The following PXN variants were observed in gnomAD, a reference collection of about 807,000 sequenced individuals.
The protein encoded by PXN is paxillin.
In PXN, 61 loss-of-function variants were observed where a neutral mutation model predicts 103.6. The ratio of observed to expected loss-of-function variants is 0.59; its 90% confidence interval spans 0.48 to 0.73. The LOEUF is 0.73. PXN is among the 30% of genes least tolerant of loss of function. The probability of loss-of-function intolerance (pLI) is 0.00; values close to 1 mark genes in which losing one functional copy is unlikely to be tolerated. For synonymous variants in PXN, 562 were observed against 607.8 expected (o/e 0.92, Z 1.11); for missense variants, 1,274 against 1,460.3 (o/e 0.87, Z 2.08).
At chr12:120,253,345 C>T (rs899405049) in intron 1 of PXN, among the ~76,000 whole-genome samples, 4 of 152,080 alleles carry the variant, frequency 2.6e-5, no homozygotes, top group Admixed American at 6.6e-5. Flanking sequence ...TGATGGCACA[C>T]GCCTGTAGTC....
intron 1 of PXN, among the ~76,000 whole-genome samples, chr12:120,253,683 C>T (rs1048106996): frequency 1.9e-4 from 29 of 152,136 alleles, no homozygotes; most frequent in African/African-American, 5.5e-4. Context: ...AAAAAATGAT[C>T]GTCAATGGAC....
intron 1 of PXN, among the ~76,000 whole-genome samples, chr12:120,262,046 C>T (rs561429830): frequency 2.0e-4 from 31 of 152,182 alleles, no homozygotes; most frequent in Admixed American, 2.0e-3. Context: ...CAGCTGGGTG[C>T]CCTGACTCTG....
At position 120,219,065 on chromosome 12, in the gene PXN, G is replaced by C. The variant is rs150827364; in HGVS notation, c.1716+142C>G. 1 of 917,406 alleles carries C rather than the reference G, an allele frequency of 1.1e-6. No individual in the cohort carries two copies. 56.8% of individuals were successfully genotyped at this position (917,406 alleles called of 1,614,324 possible). A position where few individuals can be genotyped will look rare whatever the true frequency, so the allele number is the denominator to read the frequency against. On this transcript the variant is annotated intron_variant, in intron 7 of 14. Coordinates refer to ENST00000637617, the MANE Select transcript of PXN (RefSeq NM_001385981.1). This position sits in a 1 kb window ranked among gnomAD's most constrained non-coding sequence, Gnocchi z 6.5. ...CAGAGCCCACTGCCAAGTGCTGACT[G>C]TCAGGTCCGGCCACAGTGTCTCAGC...
chr12:120,212,797 C>G lies in PXN; in HGVS notation c.2980-217G>C, dbSNP rs1880711821. 1 of 483,828 alleles carries G rather than the reference C, an allele frequency of 2.1e-6. No homozygotes were observed. Among genetic ancestry groups the G allele is most frequent in the Non-Finnish European group, 3.6e-6 (1 of 281,290 alleles). The allele number at this position is 483,828 out of a possible 1,614,324, so 30.0% of individuals were successfully genotyped here. A position where few individuals can be genotyped will look rare whatever the true frequency, so the allele number is the denominator to read the frequency against. On this transcript the variant is annotated intron_variant, in intron 14 of 14. Transcript: ENST00000637617. The surrounding 1 kb of genome is among the most constrained non-coding windows in gnomAD (Gnocchi z 7.2). Reference sequence around the variant, plus strand: ...TGGGGGTCTCACTATATTGCCCATGCTGGTCAAATGTGGCCTCCTGCAATC... The same window carrying G: ...TGGGGGTCTCACTATATTGCCCATGGTGGTCAAATGTGGCCTCCTGCAATC...
Position 120,210,673 on chromosome 12 carries a change from T to G in PXN, c.*1641A>C, listed in dbSNP as rs12423375. 0.01 allele frequency: 1,545 copies of G among 152,790 alleles called. 14 individuals carry two copies. Among genetic ancestry groups the G allele is most frequent in the Non-Finnish European group, 0.016 (1,073 of 68,268 alleles). 9.5% of individuals were successfully genotyped at this position (152,790 alleles called of 1,614,324 possible). ...GGTGAAAGTGGAGACATCAGACCTT[T>G]GGAGGGGCTGGGCTGACCTTCCCCC... On this transcript the variant is annotated 3_prime_UTR_variant, in exon 15 of 15. Transcript: ENST00000637617.
In PXN at chr12:120,215,109, G is replaced by A. The variant is rs371786768; in HGVS notation, c.2568C>T (p.Ala856=). The A allele has an allele frequency of 3.3e-5, 52 of 1,578,026 alleles. No individual in the cohort carries two copies. Among genetic ancestry groups the A allele is most frequent in the African/African-American group, 8.1e-5 (6 of 74,298 alleles). ...GCCCACTCCCCCTCATCACCTGCCC[G>A]GCGATGGGCTTCTTGCAGGCCCCGC... is the stretch of plus-strand genomic sequence containing the variant. The part of the protein sequence containing the change: ...GVCGACKKPI[A]GQVVTAMGKT... Residue 856 remains alanine (A), a synonymous_variant, in exon 11 of 15, where the codon GCC becomes GCT. Coordinates refer to ENST00000637617, the MANE Select transcript of PXN (RefSeq NM_001385981.1). This position sits in a 1 kb window ranked among gnomAD's most constrained non-coding sequence, Gnocchi z 4.9.
Position 120,213,872 on chromosome 12 carries a change from C to A in PXN, c.2949G>T (p.Thr983=). The A allele has an allele frequency of 6.2e-7, 1 of 1,611,448 alleles. No individual in the cohort carries two copies. The part of the protein sequence containing the change: ...ILENYISALN[T]LWHPECFVCR... ...ACACAAAGCACTCAGGATGCCACAGCGTGTTGAGGGCTGAGATATAGTTCT... is the reference window on the plus strand; with the variant it reads ...ACACAAAGCACTCAGGATGCCACAGAGTGTTGAGGGCTGAGATATAGTTCT... The change falls in exon 14 of 15, where the codon ACG becomes ACT. Residue 983 remains threonine (T), a synonymous_variant. Transcript: ENST00000637617. The surrounding 1 kb of genome is among the most constrained non-coding windows in gnomAD (Gnocchi z 4.2).
At position 120,219,950 on chromosome 12, in the gene PXN, C is replaced by T; in HGVS notation, c.973G>A (p.Gly325Ser). ...PTTIPSPRGQGHTPEFPCTEQ... is the reference protein window; with the variant it reads ...PTTIPSPRGQSHTPEFPCTEQ... Reference sequence around the variant, plus strand: ...GTACAAGGGAACTCCGGAGTGTGGCCCTGGCCTCGAGGGGAGGGTATAGTG... The same window carrying T: ...GTACAAGGGAACTCCGGAGTGTGGCTCTGGCCTCGAGGGGAGGGTATAGTG... The change falls in exon 7 of 15, where the codon GGC (glycine) becomes AGC (serine). Residue 325 changes from glycine to serine, a missense_variant. Gly to Ser is a moderately conservative substitution (Grantham distance 56, BLOSUM62 0). Transcript: ENST00000637617. The surrounding 1 kb of genome is among the most constrained non-coding windows in gnomAD (Gnocchi z 6.5). 3.1e-6 allele frequency: 5 copies of T among 1,597,276 alleles called. No individual in the cohort carries two copies. Among genetic ancestry groups the T allele is most frequent in the Non-Finnish European group, 4.2e-6 (5 of 1,178,800 alleles).
Position 120,227,120 on chromosome 12 carries a change from T to C in PXN, c.14-2743A>G, listed in dbSNP as rs564879743. 44 of 986,734 alleles carry C rather than the reference T, an allele frequency of 4.5e-5. No individual in the cohort carries two copies. In the African/African-American group the frequency reaches 7.0e-4, roughly 16 times the overall value. The allele number at this position is 986,734 out of a possible 1,614,324, so 61.1% of individuals were successfully genotyped here. On this transcript the variant is annotated intron_variant, in intron 1 of 14. Coordinates refer to ENST00000637617, the MANE Select transcript of PXN (RefSeq NM_001385981.1). ...GAGCAAACCATGAAAAGGGCAACCT[T>C]GAAAAGAAAAGAAAAGTAATAAAGT...
Position 120,229,755 on chromosome 12 carries a change from G to C in PXN, c.14-5378C>G, listed in dbSNP as rs897171744. 6.6e-6 allele frequency among the ~76,000 whole-genome samples: 1 copy of C among 152,166 alleles called. No individual in the cohort carries two copies. Among genetic ancestry groups the C allele is most frequent in the African/African-American group, 2.4e-5 (1 of 41,430 alleles). ...AGGAGGGGAAAGAAATCACCTCCCC[G>C]TCCTATCCAATCCCTGAGGGCAAAG... On this transcript the variant is annotated intron_variant, in intron 1 of 14. Transcript: ENST00000637617. The surrounding 1 kb of genome is among the most constrained non-coding windows in gnomAD (Gnocchi z 4.0).
In PXN at chr12:120,214,088, C is replaced by T. The variant is rs1026085389; in HGVS notation, c.2830+48G>A. 53 of 1,559,052 alleles carry T rather than the reference C, an allele frequency of 3.4e-5. No individual in the cohort carries two copies. Among genetic ancestry groups the T allele is most frequent in the Non-Finnish European group, 4.2e-5 (48 of 1,151,932 alleles). Reference sequence around the variant, plus strand: ...AGCAGCGTCTCCCACCCCCACCTCCCCGGCCCTCCTAAGAGGCGGTGGGTC... The same window carrying T: ...AGCAGCGTCTCCCACCCCCACCTCCTCGGCCCTCCTAAGAGGCGGTGGGTC... On this transcript the variant is annotated intron_variant, in intron 13 of 14. Coordinates refer to ENST00000637617, the MANE Select transcript of PXN (RefSeq NM_001385981.1). This position sits in a 1 kb window ranked among gnomAD's most constrained non-coding sequence, Gnocchi z 5.0.
At position 120,265,575 on chromosome 12, in the gene PXN, G is replaced by A; in HGVS notation, c.13+42C>T. ...TGGCGCCCTCCTGGCCCCAAGCTGCGCGCCTCTCGCCTCCTCCTCCCTCGG... is the reference window on the plus strand; with the variant it reads ...TGGCGCCCTCCTGGCCCCAAGCTGCACGCCTCTCGCCTCCTCCTCCCTCGG... On this transcript the variant is annotated intron_variant, in intron 1 of 14. Coordinates refer to ENST00000637617, the MANE Select transcript of PXN (RefSeq NM_001385981.1). The surrounding 1 kb of genome is among the most constrained non-coding windows in gnomAD (Gnocchi z 5.7). 2 of 1,479,436 alleles carry A rather than the reference G, an allele frequency of 1.4e-6. No individual in the cohort carries two copies. Among genetic ancestry groups the A allele is most frequent in the Admixed American group, 2.4e-5 (1 of 42,310 alleles). 91.6% of individuals were successfully genotyped at this position (1,479,436 alleles called of 1,614,324 possible). A position where few individuals can be genotyped will look rare whatever the true frequency, so the allele number is the denominator to read the frequency against.
Position 120,215,779 on chromosome 12 carries a change from C to T in PXN, c.2302-118G>A. 2 of 1,276,562 alleles carry T rather than the reference C, an allele frequency of 1.6e-6. No individual in the cohort carries two copies. The highest frequency in any genetic ancestry group is 3.6e-5 in the South Asian group (2 of 55,834). The allele number at this position is 1,276,562 out of a possible 1,614,324, so 79.1% of individuals were successfully genotyped here. ...ATGAGATCTGAGGGTTTCTCCCCCA[C>T]CGGCAGGACCAAAATTGGGGGAAAA... On this transcript the variant is annotated intron_variant, in intron 9 of 14. Coordinates refer to ENST00000637617, the MANE Select transcript of PXN (RefSeq NM_001385981.1). This position sits in a 1 kb window ranked among gnomAD's most constrained non-coding sequence, Gnocchi z 4.9.
intron 1 of PXN, among the ~76,000 whole-genome samples, chr12:120,259,145 A>C (rs1893476801): frequency 6.6e-6 from 1 of 151,984 alleles, no homozygotes; most frequent in South Asian, 2.1e-4. Flanking sequence ...TAATCCCAGC[A>C]CTTTGGGAGG....
chr12:120,226,782 C>A, intron 1 of PXN: 2 of 1,039,056 alleles, frequency 1.9e-6, no homozygotes, highest in Middle Eastern at 4.7e-4. Flanking sequence ...TGCCACAGGG[C>A]AAATCGCTTA....
At chr12:120,237,884 C>T (rs1206629386) in intron 1 of PXN, among the ~76,000 whole-genome samples, 1 of 152,088 alleles carries the variant, frequency 6.6e-6, no homozygotes, top group Non-Finnish European at 1.5e-5. Context: ...CGTCTCAGTC[C>T]CCCCACCCCA....
chr12:120,251,040 C>A (rs558910944), intron 1 of PXN, among the ~76,000 whole-genome samples: 2 of 152,064 alleles, frequency 1.3e-5, no homozygotes, highest in East Asian at 3.9e-4. Context: ...CCCATCTCTA[C>A]TAAAAATACA....
rs555313376 is a variant in PXN at position 120,216,317 on chromosome 12, C to G, written c.2257G>C (p.Val753Leu). Residue 753 changes from valine (V) to leucine (L), a missense_variant, in exon 9 of 15, where the codon GTG becomes CTG. Physicochemically the swap from Val to Leu is conservative, Grantham distance 32. Around this residue, in one of 2 missense-constraint regions of PXN, gnomAD observed 1,178 missense variants for 1,309.0 expected, o/e 0.90. Transcript: ENST00000637617. This position sits in a 1 kb window ranked among gnomAD's most constrained non-coding sequence, Gnocchi z 5.1. The part of the protein sequence containing the change: ...PIPAPHTMRS[V>L]GCQTDEDPLF... ...GGGTCCTCATCAGTCTGGCAGCCCA[C>G]GGACCTCATGGTGTGGGGTGCAGGA... 2 of 1,288,678 alleles carry G rather than the reference C, an allele frequency of 1.6e-6. No individual in the cohort carries two copies. The highest frequency in any genetic ancestry group is 5.7e-5 in the South Asian group (2 of 35,226). The allele number at this position is 1,288,678 out of a possible 1,614,324, so 79.8% of individuals were successfully genotyped here.
chr12:120,223,983 C>CACTT, intron 2 of PXN, 150 bp from the exon 3 acceptor site: 1 of 835,658 alleles, frequency 1.2e-6, no homozygotes, highest in Non-Finnish European at 1.9e-6. Flanking sequence ...TGTGATTAAC[C>CACTT]ACTTGGTCAC....
Sources: gnomAD v4.1 joint callset for allele counts (sites outside exome capture counted in the v4.1 genomes callset) on GRCh38, gnomAD v4.1.1 for gene constraint, gnomAD v4.1.1 regional missense constraint, Gnocchi (gnomAD v3.1) non-coding constraint, MANE v1.5 for transcripts, NCBI Gene and HGNC (gene_info 2026-07-23, HGNC 2026-07-21) for gene names.